Variants in CAMK1D observed in about 807,000 individuals in gnomAD.
The protein encoded by CAMK1D is calcium/calmodulin dependent protein kinase ID, also known as calcium/calmodulin-dependent protein kinase type 1D.
In CAMK1D, 9 loss-of-function variants were observed where a neutral mutation model predicts 47.7. The observed-to-expected ratio is 0.19, with a 90% CI of 0.11 to 0.33. The LOEUF is 0.33. Among genes scored for constraint, CAMK1D ranks in the 10% least tolerant of loss-of-function variants. CAMK1D has a pLI of 1.00. For missense variants in CAMK1D, 291 were observed against 488.7 expected (o/e 0.60, Z 3.81); for synonymous variants, 184 against 184.9 (o/e 0.99, Z 0.04).
intron 1 of CAMK1D, among the ~76,000 whole-genome samples, chr10:12,372,661 C>T (rs939862832): frequency 3.3e-5 from 5 of 152,184 alleles, no homozygotes; most frequent in African/African-American, 1.2e-4. Flanking sequence ...CTCTGTCATT[C>T]AGGCTGGATC....
At chr10:12,794,505 C>G (rs1838109806) in intron 6 of CAMK1D, among the ~76,000 whole-genome samples, 2 of 152,128 alleles carry the variant, frequency 1.3e-5, no homozygotes, top group Admixed American at 6.5e-5. Flanking sequence ...GTGGTGCACC[C>G]AAACCCTTAT....
chr10:12,551,842 C>G (rs78668459), intron 1 of CAMK1D, among the ~76,000 whole-genome samples: 1 of 152,152 alleles, frequency 6.6e-6, no homozygotes, highest in African/African-American at 2.4e-5. Context: ...TGAAGCTGGT[C>G]CCTGATGCCA....
At chr10:12,434,464 G>A (rs925853945) in intron 1 of CAMK1D, among the ~76,000 whole-genome samples, 4 of 152,150 alleles carry the variant, frequency 2.6e-5, no homozygotes, top group African/African-American at 9.7e-5. Context: ...GAACGGGGCT[G>A]GATCTAGGCA....
At chr10:12,691,413 ATATATATATTTTTTTTTTTT>A (rs1832916087) in intron 3 of CAMK1D, among the ~76,000 whole-genome samples, 1 of 2,202 alleles carries the variant, frequency 4.5e-4, no homozygotes. Flanking sequence ...AAATATATAT[ATATATATATTTTTTTTTTTT>A]TTTTTTTTTT....
chr10:12,390,652 C>T (rs1055173280), intron 1 of CAMK1D, among the ~76,000 whole-genome samples: 4 of 152,154 alleles, frequency 2.6e-5, no homozygotes, highest in Non-Finnish European at 5.9e-5. Context: ...GGGACTTGTG[C>T]AGCCTGCCTG....
intron 1 of CAMK1D, among the ~76,000 whole-genome samples, chr10:12,374,133 A>C (rs1230316428): frequency 6.6e-6 from 1 of 151,244 alleles, no homozygotes; most frequent in Non-Finnish European, 1.5e-5. Context: ...CATGGTGGGC[A>C]TCTGTAGTCC....
chr10:12,600,198 A>G (rs1230781466), intron 2 of CAMK1D, among the ~76,000 whole-genome samples: 1 of 152,206 alleles, frequency 6.6e-6, no homozygotes, highest in Non-Finnish European at 1.5e-5. Context: ...AAAGAAAAAA[A>G]CAGGAGAGAT....
intron 2 of CAMK1D, among the ~76,000 whole-genome samples, chr10:12,582,867 A>G (rs553879791): frequency 3.3e-5 from 5 of 152,340 alleles, no homozygotes; most frequent in South Asian, 2.1e-4. Context: ...TGTTTACCAC[A>G]AAGTCATTGG....
rs117229650 is a variant in CAMK1D, at chr10:12,603,057, C to T, written c.224+49701C>T. Among the ~76,000 whole-genome samples the T allele has an allele frequency of 3.3e-3, 504 of 151,910 alleles. 3 individuals carry two copies. The East Asian group carries it at 0.041, about 12-fold the overall frequency. ...ATCTGAATAGCTGGGATTACAGGCA[C>T]GCGTCACTGCACCCGGCTAATTTTT... On this transcript the variant is annotated intron_variant, in intron 2 of 10. Coordinates refer to ENST00000619168, the MANE Select transcript of CAMK1D (RefSeq NM_153498.4).
intron 1 of CAMK1D, among the ~76,000 whole-genome samples, chr10:12,391,976 A>AACAC (rs10659393): frequency 0.14 from 19,969 of 143,086 alleles, 1,395 homozygotes; most frequent in African/African-American, 0.18. Flanking sequence ...CTTGTCTTAA[A>AACAC]ACACACACAC....
chr10:12,626,565 T>C (rs528638782), intron 2 of CAMK1D, among the ~76,000 whole-genome samples: 1 of 151,630 alleles, frequency 6.6e-6, no homozygotes, highest in African/African-American at 2.4e-5. Flanking sequence ...TCTCTGCCTT[T>C]CAGGTTCAAG....
intron 2 of CAMK1D, among the ~76,000 whole-genome samples, chr10:12,661,002 C>G (rs1366493444): frequency 6.6e-6 from 1 of 152,210 alleles, no homozygotes; most frequent in South Asian, 2.1e-4. Flanking sequence ...TCAGTTGATT[C>G]TCTTTTTTGA....
At chr10:12,505,260 CT>C (rs1834835361) in intron 1 of CAMK1D, among the ~76,000 whole-genome samples, 1 of 152,160 alleles carries the variant, frequency 6.6e-6, no homozygotes. Context: ...CAGATGGCTC[CT>C]GGGAGTCTTC....
At chr10:12,603,917 C>T (rs1838376290) in intron 2 of CAMK1D, among the ~76,000 whole-genome samples, 1 of 152,144 alleles carries the variant, frequency 6.6e-6, no homozygotes, top group Non-Finnish European at 1.5e-5. Flanking sequence ...GCTGTGTACC[C>T]AGAGGTCTCT....
chr10:12,819,792 G>A (rs557502696), intron 8 of CAMK1D, among the ~76,000 whole-genome samples: 150 of 152,272 alleles, frequency 9.9e-4, no homozygotes, highest in Non-Finnish European at 1.8e-3. Flanking sequence ...GCCTAGAGGC[G>A]GAAAGGGGGC....
intron 3 of CAMK1D, among the ~76,000 whole-genome samples, chr10:12,750,935 C>T (rs896314570): frequency 1.3e-5 from 2 of 152,104 alleles, no homozygotes; most frequent in Middle Eastern, 3.2e-3. Context: ...CCTGTAATTC[C>T]AGCTACTCTG....
intron 10 of CAMK1D, among the ~76,000 whole-genome samples, chr10:12,826,890 G>T (rs1010961202): frequency 6.6e-6 from 1 of 152,144 alleles, no homozygotes; most frequent in Non-Finnish European, 1.5e-5. Flanking sequence ...AAAGCCCGTC[G>T]GGAGCACTCC....
intron 3 of CAMK1D, among the ~76,000 whole-genome samples, chr10:12,730,451 GT>G (rs1209065353): frequency 6.6e-6 from 1 of 152,198 alleles, no homozygotes; most frequent in Non-Finnish European, 1.5e-5. Flanking sequence ...CAAGTGAAGA[GT>G]TTGAATAGGC....
At chr10:12,724,221 T>G (rs1383033010) in intron 3 of CAMK1D, among the ~76,000 whole-genome samples, 1 of 152,222 alleles carries the variant, frequency 6.6e-6, no homozygotes, top group Non-Finnish European at 1.5e-5. Context: ...AACTTTGACC[T>G]CAAGTGATCC....
Sources: gnomAD v4.1 joint callset for allele counts (sites outside exome capture counted in the v4.1 genomes callset) on GRCh38, gnomAD v4.1.1 for gene constraint, MANE v1.5 for transcripts, NCBI Gene and HGNC (gene_info 2026-07-23, HGNC 2026-07-21) for gene names.